NUP155: variants seen among roughly 807,000 people sequenced by gnomAD.
NUP155 encodes the protein nucleoporin 155.
A neutral mutation model predicts 180.4 loss-of-function variants in NUP155; 71 were observed. The ratio of observed to expected loss-of-function variants is 0.39; its 90% CI spans 0.33 to 0.48. The LOEUF is 0.48. Among genes scored for constraint, NUP155 ranks in the 20% least tolerant of loss-of-function variants. NUP155 has a pLI of 0.91. For synonymous variants in NUP155, 582 were observed against 559.5 expected, an observed-to-expected ratio of 1.04 and a Z score of -0.57; for missense variants, 1,553 against 1,648.9, an observed-to-expected ratio of 0.94 and a Z score of 1.01.
chr5:37,334,753 A>G (rs1257615209), intron 12 of NUP155, among the ~76,000 whole-genome samples: 1 of 152,218 alleles, frequency 6.6e-6, no homozygotes, highest in Non-Finnish European at 1.5e-5. Context: ...ACTTTTCTCA[A>G]GATAAACTAT....
Position 37,328,430 on chromosome 5 carries a change from G to C in NUP155, c.1814-10C>G. ...CTAGGAACAGGAGAACCTAAAAAGG[G>C]AAAGAAGAATATAAAGATTTAGAAA... On this transcript the variant is annotated splice_polypyrimidine_tract_variant and intron_variant, in intron 16 of 34. Transcript: ENST00000231498. The C allele has an allele frequency of 6.4e-7, 1 of 1,569,744 alleles. No homozygotes were observed. The highest frequency in any genetic ancestry group is 8.8e-7 in the Non-Finnish European group (1 of 1,140,052).
In NUP155 at chr5:37,331,786, T is replaced by C; in HGVS notation, c.1528A>G (p.Met510Val). The C allele has an allele frequency of 6.2e-7, 1 of 1,605,270 alleles. No homozygotes were observed. Among genetic ancestry groups the C allele is most frequent in the South Asian group, 1.1e-5 (1 of 90,946 alleles). Residue 510 changes from methionine to valine, a missense_variant, in exon 14 of 35, where the codon ATG becomes GTG. By Grantham distance (21) the Met-to-Val change is conservative. Coordinates refer to ENST00000231498, the MANE Select transcript of NUP155 (RefSeq NM_153485.3). ...FVLLSAQGSL[M>V]FHKLRPVDQL... ...TCTACAGGTCTAAGTTTATGAAACA[T>C]AAGGCTCCCCTAAGAAATTTGAAGA...
chr5:37,297,336 A>T (rs1385793561), intron 32 of NUP155, among the ~76,000 whole-genome samples: 2 of 152,068 alleles, frequency 1.3e-5, no homozygotes, highest in Non-Finnish European at 2.9e-5. Flanking sequence ...TTATTTCTAA[A>T]TTAAAATGAA....
rs748460046 is a variant in NUP155, at chr5:37,351,220, C to T, written c.693G>A (p.Lys231=). The change falls in exon 6 of 35, where the codon AAG becomes AAA. Residue 231 remains lysine, a synonymous_variant. Coordinates refer to ENST00000231498, the MANE Select transcript of NUP155 (RefSeq NM_153485.3). ...TDNGRIFLAG[K]DGCLYEVAYQ... is the part of the protein sequence containing the mutation. ...AGGCTACTTCATATAAACAGCCATC[C>T]TTTCCAGCCAAGAAAATTCTGCCAT... is the stretch of plus-strand genomic sequence containing the variant. 36 of 1,613,776 alleles carry T rather than the reference C, an allele frequency of 2.2e-5. No individual in the cohort carries two copies. The highest frequency in any genetic ancestry group is 1.6e-4 in the South Asian group (15 of 91,084).
At chr5:37,295,388 G>A (rs1742481554) in intron 32 of NUP155, among the ~76,000 whole-genome samples, 1 of 152,062 alleles carries the variant, frequency 6.6e-6, no homozygotes, top group Non-Finnish European at 1.5e-5. Flanking sequence ...GCGTGATCTC[G>A]GCTCCCTACA....
intron 11 of NUP155, among the ~76,000 whole-genome samples, chr5:37,338,135 A>T (rs566241112): frequency 1.1e-3 from 165 of 151,954 alleles, no homozygotes; most frequent in African/African-American, 3.9e-3. Context: ...CCTAATCAAC[A>T]TGGTGAAACC....
At position 37,349,254 on chromosome 5, in the gene NUP155, A is replaced by G. The variant is rs1157227462; in HGVS notation, c.830-9T>C. 2.5e-6 allele frequency: 2 copies of G among 805,966 alleles called. No individual in the cohort carries two copies. Among genetic ancestry groups the G allele is most frequent in the East Asian group, 5.9e-5 (2 of 33,924 alleles). The allele number at this position is 805,966 out of a possible 1,614,324, so 49.9% of individuals were successfully genotyped here. ...AATTTGAAGAATAGGATCTAAAAGTAAGACAAAAAAAAAAAAGAGAAAAAA... is the reference window on the plus strand; with the variant it reads ...AATTTGAAGAATAGGATCTAAAAGTGAGACAAAAAAAAAAAAGAGAAAAAA... On this transcript the variant is annotated splice_polypyrimidine_tract_variant and intron_variant, in intron 7 of 34. Coordinates refer to ENST00000231498, the MANE Select transcript of NUP155 (RefSeq NM_153485.3).
At chr5:37,298,588 G>C (rs952125528) in intron 32 of NUP155, among the ~76,000 whole-genome samples, 3 of 152,070 alleles carry the variant, frequency 2.0e-5, no homozygotes, top group Non-Finnish European at 4.4e-5. Context: ...TCAGAAACTT[G>C]TATAGGGTTA....
intron 22 of NUP155, among the ~76,000 whole-genome samples, chr5:37,311,741 C>T (rs953218684): frequency 5.3e-5 from 8 of 151,604 alleles, no homozygotes; most frequent in Non-Finnish European, 1.2e-4. Context: ...TCCTTTTGGC[C>T]GGGCATGGTG....
intron 4 of NUP155, among the ~76,000 whole-genome samples, chr5:37,354,214 T>G (rs549084065): frequency 6.8e-5 from 10 of 146,204 alleles, no homozygotes; most frequent in Admixed American, 2.7e-4. Context: ...TGGCTCGATC[T>G]CGGCTCACTA....
At chr5:37,350,840 A>G (rs1026217243) in intron 6 of NUP155, among the ~76,000 whole-genome samples, 1 of 148,978 alleles carries the variant, frequency 6.7e-6, no homozygotes, top group Non-Finnish European at 1.5e-5. Context: ...AAAAAAAAAA[A>G]GCAATTACGA....
rs556270417 is a variant in NUP155 at position 37,352,679 on chromosome 5, A to G, written c.556+58T>C. ...TCACCCAGATTAGCTTTTAACTGTA[A>G]TATCAATTGGCCAAAATACTATTAT... On this transcript the variant is annotated intron_variant, in intron 5 of 34. Transcript: ENST00000231498. The G allele has an allele frequency of 3.3e-5, 36 of 1,093,964 alleles. No individual in the cohort carries two copies. In the African/African-American group the frequency reaches 3.7e-4, roughly 11 times the overall value. The allele number at this position is 1,093,964 out of a possible 1,614,324, so 67.8% of individuals were successfully genotyped here. A position where few individuals can be genotyped will look rare whatever the true frequency, so the allele number is the denominator to read the frequency against.
chr5:37,364,471 G>A (rs368820573), intron 1 of NUP155, 87 bp from the exon 2 acceptor site: 1 of 1,158,348 alleles, frequency 8.6e-7, no homozygotes, highest in Admixed American at 1.7e-5. Context: ...AAAAATTGTT[G>A]TGTGTTGGTT....
intron 11 of NUP155, among the ~76,000 whole-genome samples, chr5:37,340,823 T>C (rs1745666109): frequency 6.6e-6 from 1 of 152,218 alleles, no homozygotes; most frequent in Non-Finnish European, 1.5e-5. Context: ...AATTTTATTT[T>C]AGATTCAGGA....
chr5:37,313,677 T>C (rs893285595), intron 22 of NUP155, among the ~76,000 whole-genome samples: 1 of 151,478 alleles, frequency 6.6e-6, no homozygotes, highest in African/African-American at 2.4e-5. Context: ...ATTTATTTTT[T>C]ATTTTTAGTA....
At chr5:37,341,365 T>A in intron 10 of NUP155, 123 bp from the exon 11 acceptor site, 1 of 861,422 alleles carries the variant, frequency 1.2e-6, no homozygotes, top group Non-Finnish European at 1.9e-6. Flanking sequence ...CTTTCCTGAC[T>A]AATTTTTATT....
At chr5:37,296,291 AAGAG>A (rs1742565096) in intron 32 of NUP155, among the ~76,000 whole-genome samples, 3 of 151,942 alleles carry the variant, frequency 2.0e-5, no homozygotes, top group East Asian at 1.9e-4. Flanking sequence ...TCTGTATAGA[AAGAG>A]GTAGACATGG....
intron 16 of NUP155, 119 bp from the exon 17 acceptor site, chr5:37,328,539 T>G (rs1744756931): frequency 2.7e-6 from 2 of 731,214 alleles, no homozygotes. Context: ...GGTCTCTTTC[T>G]GTGGCCCAGG....
At position 37,314,417 on chromosome 5, in the gene NUP155, C is replaced by T. The variant is rs538894307; in HGVS notation, c.2306-89G>A. On this transcript the variant is annotated intron_variant, in intron 21 of 34. Coordinates refer to ENST00000231498, the MANE Select transcript of NUP155 (RefSeq NM_153485.3). ...AAAACTGTAGTTAAGGTTGAAATCC[C>T]TGTTGTTTTCTTCCTAGCCCCCATT... The T allele has an allele frequency of 7.1e-5, 70 of 989,152 alleles. No homozygotes were observed. In the South Asian group the frequency reaches 1.0e-3, roughly 14 times the overall value. The allele number at this position is 989,152 out of a possible 1,614,324, so 61.3% of individuals were successfully genotyped here.
Sources: gnomAD v4.1 joint callset for allele counts (sites outside exome capture counted in the v4.1 genomes callset) on GRCh38, gnomAD v4.1.1 for gene constraint, MANE v1.5 for transcripts, NCBI Gene and HGNC (gene_info 2026-07-23, HGNC 2026-07-21) for gene names.